The following SLC4A7 variants were observed in gnomAD, a reference collection of about 807,000 sequenced individuals.
The protein encoded by SLC4A7 is sodium bicarbonate cotransporter 3.
A neutral mutation model predicts 137.6 loss-of-function variants in SLC4A7; 51 were observed. That is an observed-to-expected ratio of 0.37 (90% CI 0.30 to 0.47). The LOEUF (loss-of-function observed/expected upper bound fraction) is 0.47. Ranked by LOEUF, SLC4A7 falls within the 20% of genes least tolerant of loss-of-function variation. The probability of loss-of-function intolerance (pLI) is 1.00; values close to 1 mark genes in which losing one functional copy is unlikely to be tolerated. For synonymous variants in SLC4A7, 542 were observed against 518.6 expected (o/e 1.05, Z -0.61); for missense variants, 1,247 against 1,525.4 (o/e 0.82, Z 3.04).
At chr3:27,466,418 C>T (rs1375375271) in intron 1 of SLC4A7, among the ~76,000 whole-genome samples, 2 of 147,568 alleles carry the variant, frequency 1.4e-5, no homozygotes, top group East Asian at 2.0e-4. Context: ...CGCCACTGCA[C>T]TCCAACCTGG....
At position 27,373,807 on chromosome 3, in the gene SLC4A7, T is replaced by G. The variant is rs2049721803; in HGVS notation, c.*2957A>C. ...ATGAAGAAAACAAGTTAATTTTGAG[T>G]GGTAAACAAATCTGGTTTACAAATA... On this transcript the variant is annotated 3_prime_UTR_variant, in exon 26 of 26. Transcript: ENST00000454389. 1.3e-5 allele frequency: 2 copies of G among 152,550 alleles called. No homozygotes were observed. The highest frequency in any genetic ancestry group is 2.9e-5 in the Non-Finnish European group (2 of 67,960). 9.4% of individuals were successfully genotyped at this position (152,550 alleles called of 1,614,324 possible).
At chr3:27,483,658 G>A (rs2059814101) in intron 1 of SLC4A7, among the ~76,000 whole-genome samples, 1 of 152,192 alleles carries the variant, frequency 6.6e-6, no homozygotes, top group African/African-American at 2.4e-5. Flanking sequence ...AGGTTTTCGA[G>A]GGCTAATCTG....
At chr3:27,403,730 T>C (rs2053036094) in intron 14 of SLC4A7, among the ~76,000 whole-genome samples, 2 of 152,088 alleles carry the variant, frequency 1.3e-5, no homozygotes, top group Admixed American at 6.6e-5. Flanking sequence ...ACAGGTATGG[T>C]GTCTATATGA....
chr3:27,422,539 G>A (rs931859977), intron 8 of SLC4A7, among the ~76,000 whole-genome samples: 1 of 152,088 alleles, frequency 6.6e-6, no homozygotes. Flanking sequence ...AAAACACAGG[G>A]ATTACAGGCA....
At chr3:27,449,767 C>A (rs1386281429) in intron 2 of SLC4A7, among the ~76,000 whole-genome samples, 1 of 152,144 alleles carries the variant, frequency 6.6e-6, no homozygotes, top group Admixed American at 6.6e-5. Context: ...AGTACAAGGT[C>A]AACTAATCTG....
chr3:27,466,492 CA>C (rs34908363), intron 1 of SLC4A7, among the ~76,000 whole-genome samples: 27,533 of 151,234 alleles, frequency 0.18, 2,911 homozygotes, highest in Non-Finnish European at 0.25. Context: ...TTAAGGTGCA[CA>C]ATTTTAATTA....
rs565335439 is a variant in SLC4A7 at position 27,479,520 on chromosome 3, T to C, written c.60+4547A>G. 4.5e-4 allele frequency among the ~76,000 whole-genome samples: 68 copies of C among 152,248 alleles called. 1 individual carries two copies. In the South Asian group the frequency reaches 0.014, roughly 32 times the overall value. Reference sequence around the variant, plus strand: ...AGAGTCACTAATTTAGGCAACCTAGTCTACTCTAATCAGCTAGCCCTCTGC... The same window carrying C: ...AGAGTCACTAATTTAGGCAACCTAGCCTACTCTAATCAGCTAGCCCTCTGC... On this transcript the variant is annotated intron_variant, in intron 1 of 25. Transcript: ENST00000454389.
chr3:27,420,733 A>G lies in SLC4A7; in HGVS notation c.1479T>C (p.Ile493=), dbSNP rs776975071. 7 of 1,613,644 alleles carry G rather than the reference A, an allele frequency of 4.3e-6. No homozygotes were observed. The highest frequency in any genetic ancestry group is 5.9e-6 in the Non-Finnish European group (7 of 1,179,762). ...TCATGAGAGTGGCTATTGATCGTCC[A>G]ATTTCATGGTACTGTGGTGCCTTGC... ...PAGKAPQYHE[I]GRSIATLMTD... Residue 493 remains isoleucine, a synonymous_variant, in exon 10 of 26, where the codon ATT becomes ATC. Transcript: ENST00000454389.
intron 24 of SLC4A7, among the ~76,000 whole-genome samples, chr3:27,382,008 A>C (rs1002324395): frequency 1.3e-5 from 2 of 151,594 alleles, no homozygotes; most frequent in Admixed American, 6.6e-5. Context: ...TGGAAGTTGC[A>C]GTAAGCCGAG....
At chr3:27,427,846 G>A (rs896346361) in intron 7 of SLC4A7, among the ~76,000 whole-genome samples, 5 of 152,040 alleles carry the variant, frequency 3.3e-5, no homozygotes, top group Non-Finnish European at 5.9e-5. Context: ...CAAAAAGGCC[G>A]ATAAATCTCA....
chr3:27,420,368 G>GA (rs1411163426), intron 10 of SLC4A7, among the ~76,000 whole-genome samples: 2 of 151,198 alleles, frequency 1.3e-5, no homozygotes, highest in South Asian at 2.1e-4. Context: ...AAATTTACAG[G>GA]AAAAAAAATG....
chr3:27,377,822 T>C (rs1001811848), intron 25 of SLC4A7, among the ~76,000 whole-genome samples: 1 of 152,216 alleles, frequency 6.6e-6, no homozygotes, highest in African/African-American at 2.4e-5. Context: ...CACACTATGG[T>C]TTGCTGTCTT....
chr3:27,442,307 G>T (rs1376536105), intron 3 of SLC4A7, among the ~76,000 whole-genome samples: 1 of 152,136 alleles, frequency 6.6e-6, no homozygotes, highest in Non-Finnish European at 1.5e-5. Context: ...AGAGAAACAT[G>T]ATCTTTGTTG....
In SLC4A7 at chr3:27,383,219, T is replaced by C. The variant is rs145087546; in HGVS notation, c.3524A>G (p.Asp1175Gly). 4.1e-5 allele frequency: 66 copies of C among 1,612,796 alleles called. No individual in the cohort carries two copies. The African/African-American group carries it at 7.9e-4, about 19-fold the overall frequency. ...CCCTTCAAATGGAAGGTGCACAGTA[T>C]CATCATCATCTTGAAGCATCCGTTC... The part of the protein sequence containing the change: ...EAERMLQDDD[D>G]TVHLPFEGGS... Residue 1175 changes from aspartate (D) to glycine (G), a missense_variant, in exon 24 of 26, where the codon GAT becomes GGT. By Grantham distance (94) the Asp-to-Gly change is moderately conservative. Coordinates refer to ENST00000454389, the MANE Select transcript of SLC4A7 (RefSeq NM_001321103.2).
intron 18 of SLC4A7, among the ~76,000 whole-genome samples, chr3:27,396,489 AT>A (rs2052181473): frequency 6.6e-6 from 1 of 152,130 alleles, no homozygotes; most frequent in Admixed American, 6.5e-5. Flanking sequence ...TTCTCATAAA[AT>A]AAACCTAAAG....
intron 7 of SLC4A7, among the ~76,000 whole-genome samples, chr3:27,429,921 G>A (rs1046432477): frequency 9.3e-5 from 14 of 150,670 alleles, no homozygotes; most frequent in Non-Finnish European, 1.6e-4. Flanking sequence ...GCATTAAATA[G>A]AAAAAAAGGT....
chr3:27,463,384 C>G (rs1194083044), intron 1 of SLC4A7, among the ~76,000 whole-genome samples: 2 of 152,028 alleles, frequency 1.3e-5, no homozygotes, highest in Non-Finnish European at 2.9e-5. Context: ...GAGCTGAGAT[C>G]GCACCACTGC....
chr3:27,443,411 G>A (rs1201114130), intron 3 of SLC4A7, among the ~76,000 whole-genome samples: 1 of 151,936 alleles, frequency 6.6e-6, no homozygotes, highest in East Asian at 1.9e-4. Context: ...TTTGTCCTCT[G>A]ATCAATCTGG....
intron 11 of SLC4A7, among the ~76,000 whole-genome samples, chr3:27,416,691 G>A (rs944296562): frequency 1.3e-5 from 2 of 152,026 alleles, no homozygotes; most frequent in Admixed American, 1.3e-4. Flanking sequence ...ATGTATATAT[G>A]CACATAAAAA....
Sources: gnomAD v4.1 joint callset for allele counts (sites outside exome capture counted in the v4.1 genomes callset) on GRCh38, gnomAD v4.1.1 for gene constraint, MANE v1.5 for transcripts, NCBI Gene and HGNC (gene_info 2026-07-23, HGNC 2026-07-21) for gene names.